KEL: variants seen among roughly 807,000 people sequenced by gnomAD.
The protein encoded by KEL is kell blood group glycoprotein.
A neutral mutation model predicts 99.5 loss-of-function variants in KEL; 96 were observed. The ratio of observed to expected loss-of-function variants is 0.97; its 90% confidence interval spans 0.82 to 1.14. The LOEUF (loss-of-function observed/expected upper bound fraction) is 1.14. Among genes scored for constraint, KEL ranks in the 50% most tolerant of loss-of-function variants. KEL has a pLI of 0.00. For synonymous variants in KEL, 355 were observed against 354.8 expected (o/e 1.00, Z -0.01); for missense variants, 926 against 924.2 (o/e 1.00, Z -0.03).
intron 17 of KEL, 72 bp downstream of exon 17, chr7:142,942,803 G>T: frequency 6.4e-7 from 1 of 1,569,952 alleles, no homozygotes; most frequent in South Asian, 1.1e-5. Flanking sequence ...CAGGAATGGT[G>T]GAAGGAAAAC....
At chr7:142,942,843 C>A in intron 17 of KEL, 32 bp downstream of exon 17, 5 of 1,612,760 alleles carry the variant, frequency 3.1e-6, no homozygotes, top group Non-Finnish European at 4.2e-6. Context: ...TCTGCCAGTA[C>A]ACATAAACTG....
Position 142,962,292 on chromosome 7 carries a change from G to T in KEL, c.-86C>A. ...GACTGGGGTCCAGGAAACACCCCCCGCCCCAGTTCCTTGATCCTGGAGAAG... is the reference window on the plus strand; with the variant it reads ...GACTGGGGTCCAGGAAACACCCCCCTCCCCAGTTCCTTGATCCTGGAGAAG... On this transcript the variant is annotated 5_prime_UTR_variant, in exon 1 of 19. Coordinates refer to ENST00000355265, the MANE Select transcript of KEL (RefSeq NM_000420.3). 1 of 1,478,874 alleles carries T rather than the reference G, an allele frequency of 6.8e-7. No homozygotes were observed. The highest frequency in any genetic ancestry group is 1.1e-5 in the South Asian group (1 of 88,304). The allele number at this position is 1,478,874 out of a possible 1,614,324, so 91.6% of individuals were successfully genotyped here.
chr7:142,961,155 T>TC, intron 3 of KEL, 51 bp from the exon 4 acceptor site: 1 of 1,600,982 alleles, frequency 6.2e-7, no homozygotes, highest in Non-Finnish European at 8.5e-7. Flanking sequence ...AGACAAGGGC[T>TC]CCCCCAAGGG....
chr7:142,958,073 C>A, intron 5 of KEL, 100 bp from the exon 6 acceptor site: 1 of 1,464,650 alleles, frequency 6.8e-7, no homozygotes, highest in South Asian at 1.2e-5. Flanking sequence ...TGACCTCTGC[C>A]CTGCGCCCTT....
intron 4 of KEL, among the ~76,000 whole-genome samples, chr7:142,959,371 T>C (rs1000519634): frequency 2.7e-5 from 4 of 150,852 alleles, no homozygotes; most frequent in African/African-American, 9.8e-5. Context: ...GATGAAATGA[T>C]GAAAGCAGGG....
In KEL at chr7:142,953,808, C is replaced by T; in HGVS notation, c.1073G>A (p.Arg358Lys). The T allele has an allele frequency of 1.9e-6, 3 of 1,614,150 alleles. No homozygotes were observed. Among genetic ancestry groups the T allele is most frequent in the Non-Finnish European group, 2.5e-6 (3 of 1,180,022 alleles). ...CTCCCCAATCCCACCTGCGGCGAAC[C>T]TCTGCTTTAGCAGCATCTCCTCCAC... is the stretch of plus-strand genomic sequence containing the variant. ...QLVEEMLLKQ[R>K]DFLQSHMILG... The change falls in exon 9 of 19, where the codon AGG becomes AAG. Residue 358 changes from arginine to lysine, a missense_variant and splice_region_variant. Transcript: ENST00000355265.
chr7:142,949,154 C>A (rs770287084), intron 10 of KEL, among the ~76,000 whole-genome samples: 1 of 152,154 alleles, frequency 6.6e-6, no homozygotes, highest in Non-Finnish European at 1.5e-5. Flanking sequence ...GAAATGAAAA[C>A]AATATCTAGT....
intron 10 of KEL, among the ~76,000 whole-genome samples, chr7:142,947,617 C>G (rs573690660): frequency 6.6e-6 from 1 of 152,268 alleles, no homozygotes; most frequent in African/African-American, 2.4e-5. Context: ...GTGGTGCAAT[C>G]TCGGCTCACT....
At chr7:142,958,573 C>A in intron 4 of KEL, 145 bp from the exon 5 acceptor site, 1 of 752,154 alleles carries the variant, frequency 1.3e-6, no homozygotes, top group Admixed American at 2.3e-5. Context: ...ACATGATTTA[C>A]TTTCTAACCT....
In KEL at chr7:142,961,376, GAAGTTGTAGAACAA is replaced by G; in HGVS notation, c.193_206del (p.Leu65ProfsTer9). On this transcript the variant is annotated frameshift_variant, in exon 3 of 19. Transcript: ENST00000355265. LOFTEE classifies it high-confidence loss of function. ...CTTGCTTACGAGGGCCACAGTTCTG[GAAGTTGTAGAACAA>G]AAGCACAGAAAAACAAAGGAGCAGG... 2 of 1,613,464 alleles carry G rather than the reference GAAGTTGTAGAACAA, an allele frequency of 1.2e-6. No homozygotes were observed. Among genetic ancestry groups the G allele is most frequent in the Non-Finnish European group, 1.7e-6 (2 of 1,180,042 alleles).
chr7:142,943,200 T>G, intron 16 of KEL, 76 bp downstream of exon 16: 1 of 1,573,844 alleles, frequency 6.4e-7, no homozygotes, highest in South Asian at 1.1e-5. Context: ...TAACCTCCCT[T>G]TCCCCTCCAG....
chr7:142,961,440 A>T lies in KEL; in HGVS notation c.143T>A (p.Val48Glu), dbSNP rs1208566416. Residue 48 changes from valine to glutamate, a missense_variant, in exon 3 of 19, where the codon GTG becomes GAG. By Grantham distance (121) the Val-to-Glu change is moderately radical (BLOSUM62 -2). Coordinates refer to ENST00000355265, the MANE Select transcript of KEL (RefSeq NM_000420.3). ...GCCCAAAATCAGGATAGCTGTCAGCACCCGCCTGGCCACTGCCCATGGCCT... is the reference window on the plus strand; with the variant it reads ...GCCCAAAATCAGGATAGCTGTCAGCTCCCGCCTGGCCACTGCCCATGGCCT... ...GSRPWAVARR[V>E]LTAILILGLL... 4.3e-6 allele frequency: 7 copies of T among 1,611,932 alleles called. No homozygotes were observed. The Admixed American group carries it at 1.2e-4, about 27-fold the overall frequency.
Position 142,961,808 on chromosome 7 carries a change from A to G in KEL, c.68T>C (p.Leu23Pro). 1 of 1,613,956 alleles carries G rather than the reference A, an allele frequency of 6.2e-7. No homozygotes were observed. The highest frequency in any genetic ancestry group is 8.5e-7 in the Non-Finnish European group (1 of 1,179,890). Residue 23 changes from leucine to proline, a missense_variant, in exon 2 of 19, where the codon CTC becomes CCC. By Grantham distance (98) the Leu-to-Pro change is moderately conservative (BLOSUM62 -3). Transcript: ENST00000355265. Reference sequence around the variant, plus strand: ...GAGGCCACTTACCTCTTGGCTCCAGAGAGTTCCCATTCCACCTGCCTGGCT... The same window carrying G: ...GAGGCCACTTACCTCTTGGCTCCAGGGAGTTCCCATTCCACCTGCCTGGCT... The part of the protein sequence containing the change: ...ERSQAGGMGT[L>P]WSQESTPEER...
intron 2 of KEL, 36 bp from the exon 3 acceptor site, chr7:142,961,537 G>T: frequency 6.4e-7 from 1 of 1,572,486 alleles, no homozygotes; most frequent in Non-Finnish European, 8.6e-7. Context: ...GATACAAGAT[G>T]GGGGTTGAGA....
chr7:142,949,773 A>C (rs536167179), intron 10 of KEL, among the ~76,000 whole-genome samples: 2 of 152,346 alleles, frequency 1.3e-5, no homozygotes, highest in Admixed American at 1.3e-4. Flanking sequence ...CAAATGATCC[A>C]AAGCTGGAAG....
At position 142,953,937 on chromosome 7, in the gene KEL, T is replaced by A. The variant is rs1796756784; in HGVS notation, c.944A>T (p.Asp315Val). 6.2e-7 allele frequency: 1 copy of A among 1,613,598 alleles called. No individual in the cohort carries two copies. The highest frequency in any genetic ancestry group is 2.2e-5 in the East Asian group (1 of 44,850). ...TGTCGCTTGCAAGCAGGACAACCAG[T>A]CGATGGCGGGGGCCATTTCCTTAGA... ...DQLKEMAPAIDWLSCLQATFT... is the reference protein window; with the variant it reads ...DQLKEMAPAIVWLSCLQATFT... The change falls in exon 9 of 19, where the codon GAC (aspartate) becomes GTC (valine). Residue 315 changes from aspartate to valine, a missense_variant. Coordinates refer to ENST00000355265, the MANE Select transcript of KEL (RefSeq NM_000420.3).
At chr7:142,955,980 A>G (rs1796821131) in intron 6 of KEL, among the ~76,000 whole-genome samples, 1 of 151,986 alleles carries the variant, frequency 6.6e-6, no homozygotes, top group Admixed American at 6.6e-5. Flanking sequence ...GTGGCCCACC[A>G]TACTGGTCTA....
Position 142,962,285 on chromosome 7 carries a change from A to T in KEL, c.-79T>A, listed in dbSNP as rs1031757269. On this transcript the variant is annotated 5_prime_UTR_variant, in exon 1 of 19. Transcript: ENST00000355265. ...TTCGGAGGACTGGGGTCCAGGAAAC[A>T]CCCCCCGCCCCAGTTCCTTGATCCT... 2.1e-5 allele frequency: 32 copies of T among 1,517,320 alleles called. No individual in the cohort carries two copies. The highest frequency in any genetic ancestry group is 2.8e-5 in the Non-Finnish European group (31 of 1,093,504). 94.0% of individuals were successfully genotyped at this position (1,517,320 alleles called of 1,614,324 possible).
Position 142,946,315 on chromosome 7 carries a change from A to G in KEL, c.1206T>C (p.Pro402=). 2.5e-6 allele frequency: 4 copies of G among 1,612,252 alleles called. No individual in the cohort carries two copies. The highest frequency in any genetic ancestry group is 3.4e-6 in the Non-Finnish European group (4 of 1,178,916). ...CGCACTTCATCCATCGTGGGCGGGC[A>G]GGCTATGGAGACAAAGCTGGAATGA... is the stretch of plus-strand genomic sequence containing the variant. ...LRELTEQPPM[P]ARPRWMKCVE... is the part of the protein sequence containing the mutation. Residue 402 remains proline (P), a splice_region_variant and synonymous_variant, in exon 11 of 19, where the codon CCT becomes CCC. Coordinates refer to ENST00000355265, the MANE Select transcript of KEL (RefSeq NM_000420.3).
Sources: allele counts gnomAD v4.1 joint callset (sites outside exome capture counted in the v4.1 genomes callset), GRCh38; gene constraint gnomAD v4.1.1; transcripts MANE v1.5; gene names NCBI Gene and HGNC (gene_info 2026-07-23, HGNC 2026-07-21).